RPS6KA1: variants seen among roughly 807,000 people sequenced by gnomAD.
RPS6KA1 encodes the protein ribosomal protein S6 kinase alpha-1.
A neutral mutation model predicts 91.3 loss-of-function variants in RPS6KA1; 48 were observed. The ratio of observed to expected loss-of-function variants is 0.53; its 90% CI spans 0.42 to 0.67. The LOEUF is 0.67. Ranked by LOEUF, RPS6KA1 falls within the 30% of genes least tolerant of loss-of-function variation. The pLI is 0.00. For missense variants in RPS6KA1, 719 were observed against 960.5 expected (o/e 0.75, Z 3.32); for synonymous variants, 359 against 384.7 (o/e 0.93, Z 0.78).
intron 17 of RPS6KA1, among the ~76,000 whole-genome samples, chr1:26,569,963 T>C (rs890544645): frequency 2.0e-5 from 3 of 152,102 alleles, no homozygotes; most frequent in African/African-American, 7.2e-5. Flanking sequence ...TTGAAGGTTT[T>C]TTGACAATGC....
intron 4 of RPS6KA1, among the ~76,000 whole-genome samples, chr1:26,548,674 C>G (rs1027230750): frequency 6.6e-6 from 1 of 151,882 alleles, no homozygotes; most frequent in African/African-American, 2.4e-5. Flanking sequence ...GTATGCACAC[C>G]TATAGTCCCA....
At chr1:26,543,455 T>G (rs976361896) in intron 2 of RPS6KA1, among the ~76,000 whole-genome samples, 12 of 152,202 alleles carry the variant, frequency 7.9e-5, no homozygotes, top group Non-Finnish European at 1.8e-4. Context: ...GAGCCAGGCT[T>G]TCTGCCTGTC....
intron 2 of RPS6KA1, chr1:26,545,834 C>G: frequency 6.8e-7 from 1 of 1,470,952 alleles, no homozygotes; most frequent in Non-Finnish European, 9.0e-7. Context: ...GCCTTGGTCC[C>G]GGCCACCACT....
intron 17 of RPS6KA1, among the ~76,000 whole-genome samples, chr1:26,566,760 A>G (rs2076206015): frequency 6.6e-6 from 1 of 152,094 alleles, no homozygotes; most frequent in South Asian, 2.1e-4. Context: ...TCATGATTTA[A>G]TATGTGGAGT....
At position 26,554,056 on chromosome 1, in the gene RPS6KA1, C is replaced by A; in HGVS notation, c.576-158C>A. ...GCAAAAAAGATAGGCAACACCCCTGCGTGGTACTGCTACCACCCTGCAACA... is the reference window on the plus strand; with the variant it reads ...GCAAAAAAGATAGGCAACACCCCTGAGTGGTACTGCTACCACCCTGCAACA... On this transcript the variant is annotated intron_variant, in intron 7 of 21. Coordinates refer to ENST00000374168, the MANE Select transcript of RPS6KA1 (RefSeq NM_002953.4). The surrounding 1 kb of genome is among the most constrained non-coding windows in gnomAD (Gnocchi z 4.6). The A allele has an allele frequency of 1.5e-6, 1 of 659,276 alleles. No homozygotes were observed. The highest frequency in any genetic ancestry group is 1.8e-5 in the African/African-American group (1 of 54,666). 40.8% of individuals were successfully genotyped at this position (659,276 alleles called of 1,614,324 possible).
chr1:26,538,523 G>A (rs955527483), intron 2 of RPS6KA1, among the ~76,000 whole-genome samples: 2 of 152,216 alleles, frequency 1.3e-5, no homozygotes, highest in African/African-American at 4.8e-5. Flanking sequence ...GGCTGGAGAT[G>A]GATGGGACAT....
At chr1:26,548,802 A>G (rs1431864471) in intron 4 of RPS6KA1, among the ~76,000 whole-genome samples, 1 of 145,486 alleles carries the variant, frequency 6.9e-6, no homozygotes, top group Non-Finnish European at 1.5e-5. Context: ...TCCATCTCAG[A>G]AAAAAAAAAA....
chr1:26,564,772 C>T (rs1007321445), intron 17 of RPS6KA1, among the ~76,000 whole-genome samples: 1 of 134,796 alleles, frequency 7.4e-6, no homozygotes, highest in African/African-American at 2.7e-5. Context: ...TTGGTTACCC[C>T]CTGTGCTTTT....
In RPS6KA1 at chr1:26,572,370, T is replaced by G. The variant is rs949046373; in HGVS notation, c.1947+77T>G. 4.4e-6 allele frequency: 4 copies of G among 915,018 alleles called. No individual in the cohort carries two copies. The Admixed American group carries it at 7.2e-5, about 16-fold the overall frequency. 56.7% of individuals were successfully genotyped at this position (915,018 alleles called of 1,614,324 possible). ...CATCCTAGGGCTTTTCAGCAGTTCA[T>G]GAACAGCCTCATTTCTCCAAGCGGA... On this transcript the variant is annotated intron_variant, in intron 20 of 21. Coordinates refer to ENST00000374168, the MANE Select transcript of RPS6KA1 (RefSeq NM_002953.4).
chr1:26,551,482 A>G lies in RPS6KA1; in HGVS notation c.388+5A>G. Reference sequence around the variant, plus strand: ...TCGTGGTGAAGCTGCACTATGGTAAAGCTTCTGGCCCTGCCTGAGCTCCTA... The same window carrying G: ...TCGTGGTGAAGCTGCACTATGGTAAGGCTTCTGGCCCTGCCTGAGCTCCTA... On this transcript the variant is annotated splice_donor_5th_base_variant and intron_variant, in intron 5 of 21. Transcript: ENST00000374168. The surrounding 1 kb of genome is among the most constrained non-coding windows in gnomAD (Gnocchi z 4.5). 4 of 1,613,978 alleles carry G rather than the reference A, an allele frequency of 2.5e-6. No individual in the cohort carries two copies. Among genetic ancestry groups the G allele is most frequent in the Non-Finnish European group, 3.4e-6 (4 of 1,179,886 alleles).
chr1:26,529,769 A>T lies in RPS6KA1; in HGVS notation c.-152A>T. 2.7e-6 allele frequency: 1 copy of T among 366,788 alleles called. No individual in the cohort carries two copies. The highest frequency in any genetic ancestry group is 4.3e-6 in the Non-Finnish European group (1 of 233,902). 22.7% of individuals were successfully genotyped at this position (366,788 alleles called of 1,614,324 possible). ...GGGTGACGGAGGGAGCCGAAGTGCT[A>T]GTGCCGCGGCGGCGGCGGCGGACGG... On this transcript the variant is annotated 5_prime_UTR_variant, in exon 1 of 22. Transcript: ENST00000374168. The surrounding 1 kb of genome is among the most constrained non-coding windows in gnomAD (Gnocchi z 4.2).
rs948981593 is a variant in RPS6KA1 at position 26,571,046 on chromosome 1, C to T, written c.1591-403C>T. Among the ~76,000 whole-genome samples, 1 of 152,048 alleles carries T rather than the reference C, an allele frequency of 6.6e-6. No homozygotes were observed. The highest frequency in any genetic ancestry group is 1.5e-5 in the Non-Finnish European group (1 of 67,986). On this transcript the variant is annotated intron_variant, in intron 17 of 21. Transcript: ENST00000374168. This position sits in a 1 kb window ranked among gnomAD's most constrained non-coding sequence, Gnocchi z 5.1. ...CTGAGGCAGGAGAATTGCTTGAACCCGGGAGGCGGAGGCTGCAGTGATCTG... is the reference window on the plus strand; with the variant it reads ...CTGAGGCAGGAGAATTGCTTGAACCTGGGAGGCGGAGGCTGCAGTGATCTG...
intron 1 of RPS6KA1, among the ~76,000 whole-genome samples, chr1:26,536,394 G>A (rs1025966526): frequency 6.6e-6 from 1 of 152,204 alleles, no homozygotes; most frequent in Non-Finnish European, 1.5e-5. Context: ...GCAAGGTCAG[G>A]GGAGGGGTCC....
rs1453207623 is a variant in RPS6KA1, at chr1:26,554,024, A to G, written c.576-190A>G. 8.8e-6 allele frequency: 5 copies of G among 568,606 alleles called. No homozygotes were observed. The highest frequency in any genetic ancestry group is 1.9e-5 in the African/African-American group (1 of 52,386). The allele number at this position is 568,606 out of a possible 1,614,324, so 35.2% of individuals were successfully genotyped here. ...GTACTTGCCTCACACAGTTGCTTCAAGGATTAGCAAAAAAGATAGGCAACA... is the reference window on the plus strand; with the variant it reads ...GTACTTGCCTCACACAGTTGCTTCAGGGATTAGCAAAAAAGATAGGCAACA... On this transcript the variant is annotated intron_variant, in intron 7 of 21. Transcript: ENST00000374168. This position sits in a 1 kb window ranked among gnomAD's most constrained non-coding sequence, Gnocchi z 4.6.
chr1:26,538,938 A>G (rs2075926330), intron 2 of RPS6KA1, among the ~76,000 whole-genome samples: 1 of 152,184 alleles, frequency 6.6e-6, no homozygotes. Flanking sequence ...TGAGCTGGCA[A>G]TGGGCCACTT....
chr1:26,559,571 G>T (rs797010269), intron 14 of RPS6KA1, among the ~76,000 whole-genome samples: 1 of 150,530 alleles, frequency 6.6e-6, no homozygotes, highest in Admixed American at 6.6e-5. Flanking sequence ...GTAGAGACGG[G>T]GTTTTACCAT....
rs527870086 is a variant in RPS6KA1 at position 26,571,047 on chromosome 1, G to A, written c.1591-402G>A. Among the ~76,000 whole-genome samples, 6 of 152,216 alleles carry A rather than the reference G, an allele frequency of 3.9e-5. No individual in the cohort carries two copies. The South Asian group carries it at 6.2e-4, about 16-fold the overall frequency. The stretch of plus-strand genomic sequence containing the variant: ...TGAGGCAGGAGAATTGCTTGAACCC[G>A]GGAGGCGGAGGCTGCAGTGATCTGA... On this transcript the variant is annotated intron_variant, in intron 17 of 21. Coordinates refer to ENST00000374168, the MANE Select transcript of RPS6KA1 (RefSeq NM_002953.4). The surrounding 1 kb of genome is among the most constrained non-coding windows in gnomAD (Gnocchi z 5.1).
chr1:26,535,505 G>T (rs935497664), intron 1 of RPS6KA1, among the ~76,000 whole-genome samples: 1 of 152,122 alleles, frequency 6.6e-6, no homozygotes, highest in South Asian at 2.1e-4. Context: ...TCTAGGAGGG[G>T]TGGGGCAATT....
intron 2 of RPS6KA1, among the ~76,000 whole-genome samples, chr1:26,541,260 A>C (rs1356083147): frequency 7.1e-6 from 1 of 140,420 alleles, no homozygotes; most frequent in Non-Finnish European, 1.6e-5. Flanking sequence ...CTGTCTCAAA[A>C]AAAAAAAAAA....
Sources: gnomAD v4.1 joint callset for allele counts (sites outside exome capture counted in the v4.1 genomes callset) on GRCh38, gnomAD v4.1.1 for gene constraint, Gnocchi (gnomAD v3.1) non-coding constraint, MANE v1.5 for transcripts, NCBI Gene and HGNC (gene_info 2026-07-23, HGNC 2026-07-21) for gene names.